The following LRRC4C variants were observed in gnomAD, a reference collection of about 807,000 sequenced individuals.
LRRC4C encodes the protein leucine-rich repeat-containing protein 4C.
LRRC4C carries 5 observed loss-of-function variants against 33.6 expected under a neutral mutation model. The observed-to-expected ratio is 0.15, with a 90% CI of 0.08 to 0.31. The LOEUF (loss-of-function observed/expected upper bound fraction) is 0.31, where lower values mean the gene tolerates loss of function less well. Ranked by LOEUF, LRRC4C falls within the 10% of genes least tolerant of loss-of-function variation. The pLI is 1.00. For missense variants in LRRC4C, 560 were observed against 796.7 expected (o/e 0.70, Z 3.58); for synonymous variants, 329 against 302.0 (o/e 1.09, Z -0.93).
At chr11:41,304,863 A>G (rs1591213250) in intron 1 of LRRC4C, among the ~76,000 whole-genome samples, 1 of 87,468 alleles carries the variant, frequency 1.1e-5, no homozygotes, top group Non-Finnish European at 2.3e-5. Context: ...TCCGGGAGGG[A>G]GGTGGGGGTA....
Position 41,128,608 on chromosome 11 carries a change from T to C in LRRC4C, c.-495-194885A>G, listed in dbSNP as rs1310128908. 4.6e-5 allele frequency among the ~76,000 whole-genome samples: 7 copies of C among 152,238 alleles called. No homozygotes were observed. In the East Asian group the frequency reaches 1.4e-3, roughly 29 times the overall value. On this transcript the variant is annotated intron_variant, in intron 1 of 6. Transcript: ENST00000528697. ...TGGAGACCAAATACTTAAGATTGTT[T>C]AATTCATTTGCCATAAATTAGTTCA...
chr11:41,050,305 A>G (rs186009879), intron 1 of LRRC4C, among the ~76,000 whole-genome samples: 6 of 152,272 alleles, frequency 3.9e-5, no homozygotes, highest in African/African-American at 1.4e-4. Context: ...ATTACATGAG[A>G]GTTGATGAAA....
intron 1 of LRRC4C, among the ~76,000 whole-genome samples, chr11:41,311,421 A>C (rs1411699008): frequency 3.3e-5 from 5 of 152,206 alleles, no homozygotes; most frequent in Non-Finnish European, 7.3e-5. Flanking sequence ...TTGGGGAAAA[A>C]ATGAACACAG....
At chr11:40,758,547 T>C (rs930108074) in intron 2 of LRRC4C, among the ~76,000 whole-genome samples, 5 of 152,010 alleles carry the variant, frequency 3.3e-5, no homozygotes, top group African/African-American at 1.2e-4. Context: ...TGTTTTTCTG[T>C]TTGAATTAAT....
intron 2 of LRRC4C, among the ~76,000 whole-genome samples, chr11:40,688,331 T>C (rs1591468578): frequency 6.6e-6 from 1 of 152,142 alleles, no homozygotes; most frequent in African/African-American, 2.4e-5. Context: ...ACCTGTGAAT[T>C]TAGTCAAAAG....
intron 3 of LRRC4C, among the ~76,000 whole-genome samples, chr11:40,479,731 C>A (rs1178565528): frequency 6.6e-6 from 1 of 151,760 alleles, no homozygotes; most frequent in Non-Finnish European, 1.5e-5. Flanking sequence ...TTAAGAAAAC[C>A]CAACGTTTGT....
intron 3 of LRRC4C, among the ~76,000 whole-genome samples, chr11:40,376,471 T>G (rs2137303457): frequency 6.6e-6 from 1 of 152,162 alleles, no homozygotes; most frequent in African/African-American, 2.4e-5. Context: ...TACTCCAGCT[T>G]CAAAGAACTA....
intron 3 of LRRC4C, among the ~76,000 whole-genome samples, chr11:40,597,980 G>T (rs549905655): frequency 2.6e-5 from 4 of 152,294 alleles, no homozygotes; most frequent in Non-Finnish European, 4.4e-5. Flanking sequence ...ATTAAGGTTT[G>T]AAAGCCTATT....
chr11:41,282,527 T>A (rs1949706950), intron 1 of LRRC4C, among the ~76,000 whole-genome samples: 1 of 152,124 alleles, frequency 6.6e-6, no homozygotes, highest in Non-Finnish European at 1.5e-5. Context: ...AACTAGAACA[T>A]CCTCATTACT....
At chr11:40,303,752 T>C (rs1565252407) in intron 4 of LRRC4C, among the ~76,000 whole-genome samples, 1 of 152,208 alleles carries the variant, frequency 6.6e-6, no homozygotes, top group Admixed American at 6.5e-5. Context: ...TTATGTTCAC[T>C]TTAAGGACAT....
chr11:40,786,226 G>A (rs1030695365), intron 2 of LRRC4C, among the ~76,000 whole-genome samples: 1 of 151,980 alleles, frequency 6.6e-6, no homozygotes, highest in African/African-American at 2.4e-5. Context: ...CCTTTGCATG[G>A]CCTCATGATG....
chr11:41,154,799 A>G (rs1317678300), intron 1 of LRRC4C, among the ~76,000 whole-genome samples: 1 of 152,140 alleles, frequency 6.6e-6, no homozygotes, highest in African/African-American at 2.4e-5. Flanking sequence ...TTTCTTGTGA[A>G]AGGAACATTC....
intron 3 of LRRC4C, among the ~76,000 whole-genome samples, chr11:40,474,813 G>A (rs1208162840): frequency 3.9e-5 from 6 of 152,114 alleles, no homozygotes; most frequent in Admixed American, 2.6e-4. Flanking sequence ...CATTTATGTG[G>A]CCAACAAACA....
At chr11:40,522,095 C>T (rs142547867) in intron 3 of LRRC4C, among the ~76,000 whole-genome samples, 2,328 of 152,138 alleles carry the variant, frequency 0.015, 42 homozygotes, top group Non-Finnish European at 0.019. Flanking sequence ...CAATCTCGGC[C>T]CACTGCAACC....
At chr11:41,129,941 A>T (rs1319673417) in intron 1 of LRRC4C, among the ~76,000 whole-genome samples, 1 of 151,848 alleles carries the variant, frequency 6.6e-6, no homozygotes, top group Admixed American at 6.6e-5. Context: ...CTTTCCTCTT[A>T]TGGCTTCATG....
chr11:40,143,607 T>G (rs545336916), intron 5 of LRRC4C, among the ~76,000 whole-genome samples: 1 of 152,168 alleles, frequency 6.6e-6, no homozygotes, highest in Non-Finnish European at 1.5e-5. Flanking sequence ...CCACCTTTCA[T>G]GCAAATACCT....
At chr11:40,696,647 T>C (rs1055148833) in intron 2 of LRRC4C, among the ~76,000 whole-genome samples, 10 of 148,846 alleles carry the variant, frequency 6.7e-5, no homozygotes, top group African/African-American at 2.5e-4. Flanking sequence ...CAGTCTGTTT[T>C]AAGGAGAAAA....
chr11:41,060,768 G>A (rs1389056897), intron 1 of LRRC4C, among the ~76,000 whole-genome samples: 1 of 152,044 alleles, frequency 6.6e-6, no homozygotes, highest in East Asian at 1.9e-4. Flanking sequence ...TCTAACTTGT[G>A]ACCAGTGATT....
intron 3 of LRRC4C, among the ~76,000 whole-genome samples, chr11:40,366,694 A>C (rs1211761609): frequency 2.6e-5 from 4 of 152,040 alleles, no homozygotes; most frequent in Non-Finnish European, 5.9e-5. Flanking sequence ...GCACATAACA[A>C]ACATTTTTGA....
Sources: gnomAD v4.1 joint callset for allele counts (sites outside exome capture counted in the v4.1 genomes callset) on GRCh38, gnomAD v4.1.1 for gene constraint, MANE v1.5 for transcripts, NCBI Gene and HGNC (gene_info 2026-07-23, HGNC 2026-07-21) for gene names.